BTBD9: variants seen among roughly 807,000 people sequenced by gnomAD.
BTBD9 encodes the protein BTB domain containing 9.
A neutral mutation model predicts 64.3 loss-of-function variants in BTBD9; 49 were observed. That is an observed-to-expected ratio of 0.76 (90% CI 0.61 to 0.97). BTBD9 has a LOEUF of 0.97. Ranked by LOEUF, BTBD9 falls within the 50% of genes least tolerant of loss-of-function variation. The pLI, the probability that BTBD9 is intolerant of heterozygous loss-of-function variation, is 0.00. For synonymous variants in BTBD9, 260 were observed against 274.7 expected (o/e 0.95, Z 0.53); for missense variants, 598 against 762.1 (o/e 0.78, Z 2.53).
intron 9 of BTBD9, among the ~76,000 whole-genome samples, chr6:38,223,063 G>A (rs1763271059): frequency 6.6e-6 from 1 of 151,988 alleles, no homozygotes; most frequent in Non-Finnish European, 1.5e-5. Flanking sequence ...CTGCCACCAC[G>A]CCTGGCTAAT....
At chr6:38,531,248 T>C (rs1385052729) in intron 6 of BTBD9, among the ~76,000 whole-genome samples, 1 of 152,152 alleles carries the variant, frequency 6.6e-6, no homozygotes, top group East Asian at 1.9e-4. Flanking sequence ...GCAGAAGACT[T>C]CTCAGAAGAA....
intron 6 of BTBD9, among the ~76,000 whole-genome samples, chr6:38,422,718 G>A (rs989903683): frequency 6.6e-6 from 1 of 152,106 alleles, no homozygotes; most frequent in African/African-American, 2.4e-5. Context: ...CAGAGGTCAC[G>A]ATTTGCCTCC....
At chr6:38,543,874 A>G (rs909833334) in intron 6 of BTBD9, among the ~76,000 whole-genome samples, 5 of 151,572 alleles carry the variant, frequency 3.3e-5, no homozygotes, top group Admixed American at 2.0e-4. Flanking sequence ...GGAGAATGGC[A>G]TGAACCTGGG....
At chr6:38,308,105 C>T (rs1031387333) in intron 7 of BTBD9, among the ~76,000 whole-genome samples, 1 of 152,106 alleles carries the variant, frequency 6.6e-6, no homozygotes, top group Admixed American at 6.6e-5. Context: ...AGTTTAAATG[C>T]TAGAGGTTTT....
At chr6:38,455,770 G>A (rs1216501966) in intron 6 of BTBD9, among the ~76,000 whole-genome samples, 4 of 152,114 alleles carry the variant, frequency 2.6e-5, no homozygotes, top group East Asian at 1.9e-4. Context: ...GTGCAATGGC[G>A]CGATCTCGGC....
chr6:38,467,818 C>T (rs1194886507), intron 6 of BTBD9, among the ~76,000 whole-genome samples: 1 of 152,234 alleles, frequency 6.6e-6, no homozygotes, highest in Non-Finnish European at 1.5e-5. Context: ...CCTACTTCTT[C>T]ACTCTTTCCA....
At chr6:38,223,370 T>C (rs568979203) in intron 9 of BTBD9, among the ~76,000 whole-genome samples, 1 of 152,332 alleles carries the variant, frequency 6.6e-6, no homozygotes, top group Admixed American at 6.5e-5. Context: ...GATCTCACTC[T>C]GTGTCCCAGG....
At chr6:38,325,790 T>C (rs1039033037) in intron 7 of BTBD9, among the ~76,000 whole-genome samples, 16 of 152,248 alleles carry the variant, frequency 1.1e-4, no homozygotes, top group Middle Eastern at 3.2e-3. Context: ...GTCTTATTTA[T>C]TACATAGTAA....
intron 6 of BTBD9, among the ~76,000 whole-genome samples, chr6:38,375,211 T>C (rs1432468688): frequency 2.0e-5 from 3 of 152,230 alleles, no homozygotes; most frequent in African/African-American, 7.2e-5. Flanking sequence ...TGACAATCAA[T>C]GTAATAATAA....
Position 38,311,129 on chromosome 6 carries a change from T to A in BTBD9, c.1265-22668A>T, listed in dbSNP as rs1003518085. 1.2e-4 allele frequency among the ~76,000 whole-genome samples: 19 copies of A among 152,170 alleles called. 1 individual carries two copies. Among genetic ancestry groups the A allele is most frequent in the African/African-American group, 4.6e-4 (19 of 41,448 alleles). On this transcript the variant is annotated intron_variant, in intron 7 of 10. Transcript: ENST00000481247. ...CCCGGCCTTTCTAGTTATTTTTAAA[T>A]GTACAATTAAATTATTATTGACTAT...
chr6:38,552,187 A>C (rs1297665360), intron 6 of BTBD9, among the ~76,000 whole-genome samples: 1 of 152,200 alleles, frequency 6.6e-6, no homozygotes, highest in East Asian at 1.9e-4. Flanking sequence ...CCTCTATCTT[A>C]AGTCCAATTC....
Position 38,611,367 on chromosome 6 carries a change from A to G in BTBD9, c.-27-13246T>C, listed in dbSNP as rs531954551. Among the ~76,000 whole-genome samples the G allele has an allele frequency of 2.0e-5, 3 of 152,286 alleles. No homozygotes were observed. The East Asian group carries it at 5.8e-4, about 29-fold the overall frequency. On this transcript the variant is annotated intron_variant, in intron 1 of 10. Coordinates refer to ENST00000481247, the MANE Select transcript of BTBD9 (RefSeq NM_001099272.2). Reference sequence around the variant, plus strand: ...TAACAAGAATGGATTTCTCTTTTACATAAATGACATTTTGAAAAATTTAAA... The same window carrying G: ...TAACAAGAATGGATTTCTCTTTTACGTAAATGACATTTTGAAAAATTTAAA...
At chr6:38,549,040 G>T (rs1030756104) in intron 6 of BTBD9, among the ~76,000 whole-genome samples, 2 of 152,150 alleles carry the variant, frequency 1.3e-5, no homozygotes, top group East Asian at 3.8e-4. Context: ...TAGCCTCTCA[G>T]TATAAATAAG....
Position 38,597,999 on chromosome 6 carries a change from C to T in BTBD9, c.96G>A (p.Gly32=), listed in dbSNP as rs749391878. 11 of 1,613,836 alleles carry T rather than the reference C, an allele frequency of 6.8e-6. No homozygotes were observed. In the South Asian group the frequency reaches 1.2e-4, roughly 18 times the overall value. The part of the protein sequence containing the change: ...LSEHIGALLI[G]EEYGDVTFVV... ...CGAATGTGACGTCGCCATATTCTTC[C>T]CCAATCAACAAGGCACCAATATGTT... Residue 32 remains glycine (G), a synonymous_variant, in exon 2 of 11, where the codon GGG becomes GGA. Coordinates refer to ENST00000481247, the MANE Select transcript of BTBD9 (RefSeq NM_001099272.2).
chr6:38,194,845 T>TGGGGAGGCAGGAGAGGCA (rs374927657), intron 9 of BTBD9, among the ~76,000 whole-genome samples: 2,180 of 152,080 alleles, frequency 0.014, 47 homozygotes, highest in African/African-American at 0.048. Context: ...TGCTTCTGCA[T>TGGGGAGGCAGGAGAGGCA]GGGGAGGCAG....
rs1033099949 is a variant in BTBD9, at chr6:38,256,137, G to C, written c.1562+272C>G. Among the ~76,000 whole-genome samples, 4 of 151,944 alleles carry C rather than the reference G, an allele frequency of 2.6e-5. No homozygotes were observed. In the East Asian group the frequency reaches 7.7e-4, roughly 29 times the overall value. ...GGGGTCTGAGAGAGGATTGCATAAG[G>C]AAAGTTTTTTCGCTATTTAGGCACT... On this transcript the variant is annotated intron_variant, in intron 9 of 10. Coordinates refer to ENST00000481247, the MANE Select transcript of BTBD9 (RefSeq NM_001099272.2).
intron 6 of BTBD9, among the ~76,000 whole-genome samples, chr6:38,398,891 T>C (rs1484001116): frequency 6.6e-6 from 1 of 152,210 alleles, no homozygotes; most frequent in East Asian, 1.9e-4. Context: ...GTTCAGAGCC[T>C]TTTGCCATCA....
intron 6 of BTBD9, among the ~76,000 whole-genome samples, chr6:38,369,557 G>A (rs566984248): frequency 3.8e-4 from 58 of 152,266 alleles, no homozygotes; most frequent in Admixed American, 2.4e-3. Context: ...CTTCCCTTCC[G>A]CACCTTGTGA....
chr6:38,292,905 G>A (rs1280768037), intron 7 of BTBD9, among the ~76,000 whole-genome samples: 2 of 152,088 alleles, frequency 1.3e-5, no homozygotes, highest in African/African-American at 4.8e-5. Flanking sequence ...TTTTAATTGT[G>A]ATGTTAGGGT....
Sources: allele counts gnomAD v4.1 joint callset (sites outside exome capture counted in the v4.1 genomes callset), GRCh38; gene constraint gnomAD v4.1.1; transcripts MANE v1.5; gene names NCBI Gene and HGNC (gene_info 2026-07-23, HGNC 2026-07-21).